SMCO2: variants seen among roughly 807,000 people sequenced by gnomAD.
SMCO2 encodes single-pass membrane and coiled-coil domain-containing protein 2.
A neutral mutation model predicts 29.5 loss-of-function variants in SMCO2; 25 were observed. The observed-to-expected ratio is 0.85, with a 90% CI of 0.62 to 1.18. The LOEUF (loss-of-function observed/expected upper bound fraction) is 1.18. Among genes scored for constraint, SMCO2 ranks in the 50% most tolerant of loss-of-function variants. The pLI is 0.00. For missense variants in SMCO2, 348 were observed against 344.5 expected, an observed-to-expected ratio of 1.01 and a Z score of -0.08; for synonymous variants, 117 against 123.3, an observed-to-expected ratio of 0.95 and a Z score of 0.34.
the SMCO2 span, among the ~76,000 whole-genome samples, chr12:27,443,551 T>C: frequency 1.3e-5 from 2 of 152,072 alleles, no homozygotes; most frequent in East Asian, 3.8e-4. Context: ...AAAAGGCATC[T>C]AAACTGGAAA....
the SMCO2 span, among the ~76,000 whole-genome samples, chr12:27,436,469 C>T: frequency 6.6e-6 from 1 of 152,008 alleles, no homozygotes; most frequent in Admixed American, 6.5e-5. Context: ...CTTCCTCCAG[C>T]CCTGACCATG....
upstream of SMCO2, among the ~76,000 whole-genome samples, chr12:27,464,946 G>A (rs1343558023): frequency 1.4e-5 from 2 of 146,148 alleles, no homozygotes; most frequent in African/African-American, 5.1e-5. Context: ...GGAGAATGGT[G>A]TGAACCTGGG....
chr12:27,487,379 C>T (rs937449250), intron 4 of SMCO2, among the ~76,000 whole-genome samples: 3 of 152,042 alleles, frequency 2.0e-5, no homozygotes, highest in African/African-American at 7.3e-5. Flanking sequence ...TGAGGTTTAT[C>T]CAAATTTTCG....
chr12:27,477,209 GGTTTTTTTTT>G (rs200840572), intron 4 of SMCO2, among the ~76,000 whole-genome samples: 8,451 of 134,014 alleles, frequency 0.063, 460 homozygotes, highest in East Asian at 0.24. Context: ...TTGGCTGTCA[GGTTTTTTTTT>G]TTTTTTTTTT....
At chr12:27,425,300 T>G in the SMCO2 span, 1 of 152,248 alleles carries the variant, frequency 6.6e-6, no homozygotes, top group East Asian at 1.9e-4. Flanking sequence ...CTCCCTTAAC[T>G]ACTTTCTAAT....
intron 4 of SMCO2, among the ~76,000 whole-genome samples, chr12:27,477,913 T>C (rs1240297839): frequency 6.6e-6 from 1 of 152,194 alleles, no homozygotes; most frequent in Non-Finnish European, 1.5e-5. Context: ...GATTCCCTTT[T>C]CATTGGGATG....
At chr12:27,439,543 C>G in the SMCO2 span, among the ~76,000 whole-genome samples, 3 of 152,090 alleles carry the variant, frequency 2.0e-5, no homozygotes, top group African/African-American at 7.2e-5. Flanking sequence ...TGTGAGCTCC[C>G]CAACCAAGAA....
chr12:27,477,634 CTTT>C (rs3051833), intron 4 of SMCO2, among the ~76,000 whole-genome samples: 3 of 109,648 alleles, frequency 2.7e-5, no homozygotes, highest in Admixed American at 9.1e-5. Context: ...CTTTTTCATT[CTTT>C]TTTTTTTTTT....
At chr12:27,460,829 C>T in the SMCO2 span, among the ~76,000 whole-genome samples, 1 of 152,224 alleles carries the variant, frequency 6.6e-6, no homozygotes, top group Non-Finnish European at 1.5e-5. Context: ...GGAAAACCCA[C>T]ACCAGTGCCC....
chr12:27,458,377 C>T, the SMCO2 span, among the ~76,000 whole-genome samples: 16 of 151,906 alleles, frequency 1.1e-4, no homozygotes, highest in African/African-American at 3.6e-4. Context: ...TTCAAAGGCC[C>T]GAAGGGACTG....
intron 3 of SMCO2, chr12:27,473,079 A>G (rs1949554935): frequency 4.1e-6 from 2 of 492,512 alleles, no homozygotes; most frequent in South Asian, 6.1e-5. Context: ...CACATGAAGG[A>G]CTTACTAGCC....
chr12:27,477,634 C>CTTTTTTTTTTTTTTTTT (rs3051833), intron 4 of SMCO2, among the ~76,000 whole-genome samples: 7 of 109,646 alleles, frequency 6.4e-5, no homozygotes, highest in Non-Finnish European at 9.1e-5. Context: ...CTTTTTCATT[C>CTTTTTTTTTTTTTTTTT]TTTTTTTTTT....
chr12:27,464,416 G>C (rs1949481290), upstream of SMCO2, among the ~76,000 whole-genome samples: 1 of 152,080 alleles, frequency 6.6e-6, no homozygotes, highest in African/African-American at 2.4e-5. Context: ...GTTAACCAGA[G>C]ACTCAGAAGA....
At chr12:27,434,133 C>G in the SMCO2 span, among the ~76,000 whole-genome samples, 1 of 152,166 alleles carries the variant, frequency 6.6e-6, no homozygotes, top group Non-Finnish European at 1.5e-5. Context: ...AGCGCCAAAA[C>G]AGAATCCATC....
chr12:27,471,803 G>A (rs1949543315), intron 2 of SMCO2, among the ~76,000 whole-genome samples: 1 of 152,162 alleles, frequency 6.6e-6, no homozygotes, highest in Non-Finnish European at 1.5e-5. Flanking sequence ...ATTTAGACAA[G>A]GAGTGGGAAA....
intron 7 of SMCO2, among the ~76,000 whole-genome samples, chr12:27,499,122 A>G (rs992727081): frequency 9.9e-5 from 15 of 150,886 alleles, no homozygotes; most frequent in Admixed American, 6.6e-4. Flanking sequence ...ATGTCCACAC[A>G]AAAACCTGTA....
At chr12:27,474,758 GC>G in intron 3 of SMCO2, 27 bp from the exon 4 acceptor site, 1 of 1,550,862 alleles carries the variant, frequency 6.4e-7, no homozygotes, top group Non-Finnish European at 8.7e-7. Flanking sequence ...CTTTTGTTCT[GC>G]TTTGCTTCCA....
the SMCO2 span, among the ~76,000 whole-genome samples, chr12:27,427,400 T>C: frequency 6.6e-6 from 1 of 152,190 alleles, no homozygotes; most frequent in Non-Finnish European, 1.5e-5. Context: ...TGAGAACCGC[T>C]GATCTTGCCA....
chr12:27,431,578 G>A, the SMCO2 span, among the ~76,000 whole-genome samples: 2 of 152,150 alleles, frequency 1.3e-5, no homozygotes, highest in African/African-American at 4.8e-5. Context: ...CCATGTGACA[G>A]AATTTCCTTC....
Sources: allele counts gnomAD v4.1 joint callset (sites outside exome capture counted in the v4.1 genomes callset), GRCh38; gene constraint gnomAD v4.1.1; transcripts MANE v1.5; gene names NCBI Gene and HGNC (gene_info 2026-07-23, HGNC 2026-07-21).